The following SLC34A3 variants were observed in gnomAD, a reference collection of about 807,000 sequenced individuals.
SLC34A3 encodes solute carrier family 34 member 3.
SLC34A3 carries 60 observed loss-of-function variants against 43.9 expected under a neutral mutation model. The observed-to-expected ratio is 1.37, with a 90% CI of 1.11 to 1.70. SLC34A3 has a LOEUF of 1.70. Ranked by LOEUF, SLC34A3 falls within the 40% of genes most tolerant of loss-of-function variation. SLC34A3 has a pLI of 0.00. For missense variants in SLC34A3, 969 were observed against 823.8 expected, an observed-to-expected ratio of 1.18 and a Z score of -2.16; for synonymous variants, 451 against 386.2, an observed-to-expected ratio of 1.17 and a Z score of -1.97.
At chr9:137,230,058 C>CA (rs1836115164), upstream of SLC34A3, among the ~76,000 whole-genome samples, 2 of 152,096 alleles carry the variant, frequency 1.3e-5, no homozygotes, top group South Asian at 4.1e-4. Flanking sequence ...CCCATGCACA[C>CA]AGCGGGGGCT....
intron 12 of SLC34A3, among the ~76,000 whole-genome samples, chr9:137,235,572 G>A (rs1836542788): frequency 6.6e-6 from 1 of 152,212 alleles, no homozygotes; most frequent in Non-Finnish European, 1.5e-5. Flanking sequence ...CTGTGGCCCT[G>A]TGCCTCCTCC....
chr9:137,233,779 T>TGGGGCCCCCC, intron 8 of SLC34A3, 57 bp downstream of exon 8: 2 of 1,445,796 alleles, frequency 1.4e-6, no homozygotes, highest in Non-Finnish European at 1.9e-6. Flanking sequence ...TGCTGAGTCA[T>TGGGGCCCCCC]CCCGCCCCAC....
rs1272144295 is a variant in SLC34A3, at chr9:137,233,802, C to G, written c.847-61C>G. 5 of 1,467,802 alleles carry G rather than the reference C, an allele frequency of 3.4e-6. No homozygotes were observed. The South Asian group carries it at 5.9e-5, about 17-fold the overall frequency. The allele number at this position is 1,467,802 out of a possible 1,614,324, so 90.9% of individuals were successfully genotyped here. On this transcript the variant is annotated intron_variant, in intron 8 of 12. Coordinates refer to ENST00000673835, the MANE Select transcript of SLC34A3 (RefSeq NM_001177316.2). Reference sequence around the variant, plus strand: ...CATCCCGCCCCACCCACCCTCACCTCGAGCCCTCTGACCTCTGTCTGCCCA... The same window carrying G: ...CATCCCGCCCCACCCACCCTCACCTGGAGCCCTCTGACCTCTGTCTGCCCA...
rs749918055 is a variant in SLC34A3 at position 137,233,409 on chromosome 9, G to A, written c.756+5G>A. On this transcript the variant is annotated splice_donor_5th_base_variant and intron_variant, in intron 7 of 12. Coordinates refer to ENST00000673835, the MANE Select transcript of SLC34A3 (RefSeq NM_001177316.2). ...CTCACACACCTCATCGTGCAGGTGA[G>A]GACGGCCACCGCCCCCGCCCAGAGA... 3 of 1,599,324 alleles carry A rather than the reference G, an allele frequency of 1.9e-6. No homozygotes were observed. Among genetic ancestry groups the A allele is most frequent in the Admixed American group, 3.4e-5 (2 of 58,540 alleles).
At position 137,236,554 on chromosome 9, in the gene SLC34A3, G is replaced by A; in HGVS notation, c.*138G>A. 1 of 810,256 alleles carries A rather than the reference G, an allele frequency of 1.2e-6. No homozygotes were observed. The highest frequency in any genetic ancestry group is 2.0e-6 in the Non-Finnish European group (1 of 491,046). 50.2% of individuals were successfully genotyped at this position (810,256 alleles called of 1,614,324 possible). On this transcript the variant is annotated 3_prime_UTR_variant, in exon 13 of 13. Coordinates refer to ENST00000673835, the MANE Select transcript of SLC34A3 (RefSeq NM_001177316.2). ...TGCAAATAAACCAGGCTGTTATCTG[G>A]GGTGGCGGTCCTCACTCCCCTAGAC...
chr9:137,234,399 C>T lies in SLC34A3; in HGVS notation c.1094-17C>T. On this transcript the variant is annotated splice_polypyrimidine_tract_variant and intron_variant, in intron 10 of 12. Coordinates refer to ENST00000673835, the MANE Select transcript of SLC34A3 (RefSeq NM_001177316.2). The surrounding 1 kb of genome is among the most constrained non-coding windows in gnomAD (Gnocchi z 6.9). ...CCTTGTGGGCGCTGGCCAGGGCTGA[C>T]CCGGCATCCCCCACAGACTTCCCCT... 6.3e-7 allele frequency: 1 copy of T among 1,596,644 alleles called. No homozygotes were observed. Among genetic ancestry groups the T allele is most frequent in the Non-Finnish European group, 8.5e-7 (1 of 1,178,182 alleles).
At position 137,234,652 on chromosome 9, in the gene SLC34A3, G is replaced by A; in HGVS notation, c.1256G>A (p.Gly419Asp). 3 of 1,612,418 alleles carry A rather than the reference G, an allele frequency of 1.9e-6. No individual in the cohort carries two copies. The highest frequency in any genetic ancestry group is 2.5e-6 in the Non-Finnish European group (3 of 1,179,872). Residue 419 changes from glycine (G) to aspartate (D), a missense_variant, in exon 12 of 13, where the codon GGC (glycine) becomes GAC (aspartate). Coordinates refer to ENST00000673835, the MANE Select transcript of SLC34A3 (RefSeq NM_001177316.2). The surrounding 1 kb of genome is among the most constrained non-coding windows in gnomAD (Gnocchi z 6.9). ...SLDRAYPLLL[G>D]SNIGTTTTAL... ...GACCGGGCGTACCCCCTCTTACTGG[G>A]CTCCAACATCGGCACCACTACCACA...
chr9:137,232,131 C>T lies in SLC34A3; in HGVS notation c.145C>T (p.Gln49Ter), dbSNP rs2131403056. The T allele has an allele frequency of 1.2e-6, 2 of 1,613,142 alleles. No individual in the cohort carries two copies. The highest frequency in any genetic ancestry group is 1.7e-6 in the Non-Finnish European group (2 of 1,179,998). Residue 49 changes from glutamine (Q) to a stop codon, truncating the protein, a stop_gained, in exon 3 of 13, where the codon CAG becomes TAG. Coordinates refer to ENST00000673835, the MANE Select transcript of SLC34A3 (RefSeq NM_001177316.2). LOFTEE classifies it high-confidence loss of function. ...EGDTDPWTLP[Q>*]LKDTSQPWKE... ...GGACACAGACCCCTGGACCCTCCCT[C>T]AGCTGAAGGACACAAGCCAGCCCTG...
chr9:137,235,116 C>A (rs919656242), intron 12 of SLC34A3, among the ~76,000 whole-genome samples: 1 of 151,968 alleles, frequency 6.6e-6, no homozygotes, highest in African/African-American at 2.4e-5. Context: ...ATCTGGACGA[C>A]CCTCCCAGCC....
At chr9:137,233,779 T>TGGGGCCCCCCCCCCCCCCCCCCCCCCC in intron 8 of SLC34A3, 57 bp downstream of exon 8, 1 of 1,445,812 alleles carries the variant, frequency 6.9e-7, no homozygotes, top group Non-Finnish European at 9.6e-7. Flanking sequence ...TGCTGAGTCA[T>TGGGGCCCCCCCCCCCCCCCCCCCCCCC]CCCGCCCCAC....
Position 137,236,270 on chromosome 9 carries a change from C to T in SLC34A3, c.1654C>T (p.Leu552Phe). Reference protein sequence around the residue: ...LPVRLRSWAWLPVWLHSLEPW... With the variant: ...LPVRLRSWAWFPVWLHSLEPW... The stretch of plus-strand genomic sequence containing the variant: ...TGTCCGCCTGCGCTCCTGGGCCTGG[C>T]TCCCCGTCTGGCTCCATTCTCTGGA... Residue 552 changes from leucine (L) to phenylalanine (F), a missense_variant, in exon 13 of 13, where the codon CTC becomes TTC. Coordinates refer to ENST00000673835, the MANE Select transcript of SLC34A3 (RefSeq NM_001177316.2). The T allele has an allele frequency of 1.3e-6, 2 of 1,544,192 alleles. No individual in the cohort carries two copies. The highest frequency in any genetic ancestry group is 1.7e-6 in the Non-Finnish European group (2 of 1,147,352).
At chr9:137,232,008 C>T in intron 2 of SLC34A3, 64 bp from the exon 3 acceptor site, 1 of 1,502,014 alleles carries the variant, frequency 6.7e-7, no homozygotes, top group South Asian at 1.1e-5. Flanking sequence ...CGGCCTGTGC[C>T]CTTGTGCCCC....
In SLC34A3 at chr9:137,231,766, G is replaced by A. The variant is rs146559846; in HGVS notation, c.64G>A (p.Glu22Lys). 2.0e-5 allele frequency: 33 copies of A among 1,613,102 alleles called. No individual in the cohort carries two copies. The highest frequency in any genetic ancestry group is 2.8e-5 in the Non-Finnish European group (33 of 1,179,980). Residue 22 changes from glutamate (E) to lysine (K), a missense_variant, in exon 2 of 13, where the codon GAA becomes AAA. Glu to Lys is a moderately conservative substitution (Grantham distance 56). Transcript: ENST00000673835. The stretch of plus-strand genomic sequence containing the variant: ...CACTCTGGACGCGGTTGACCTAGTG[G>A]AAAAGACTCTGAGGAATGAAGGTAC... ...HPTLDAVDLV[E>K]KTLRNEGTSS...
At chr9:137,235,858 G>A (rs896644857) in intron 12 of SLC34A3, 94 bp from the exon 13 acceptor site, 39 of 1,137,324 alleles carry the variant, frequency 3.4e-5, no homozygotes, top group Middle Eastern at 2.9e-4. Context: ...CAGACTTGGC[G>A]CTCCTTCTGT....
At chr9:137,231,621 G>C in intron 1 of SLC34A3, 43 bp from the exon 2 acceptor site, 1 of 1,237,922 alleles carries the variant, frequency 8.1e-7, no homozygotes, top group Non-Finnish European at 1.2e-6. Flanking sequence ...GACAGGGCCG[G>C]GGCAGGAGGA....
At position 137,234,631 on chromosome 9, in the gene SLC34A3, G is replaced by T. The variant is rs761066220; in HGVS notation, c.1235G>T (p.Arg412Leu). 1 of 1,612,428 alleles carries T rather than the reference G, an allele frequency of 6.2e-7. No homozygotes were observed. The highest frequency in any genetic ancestry group is 8.5e-7 in the Non-Finnish European group (1 of 1,179,880). The stretch of plus-strand genomic sequence containing the variant: ...GGGGTCGGGGTGATCAGTCTGGACC[G>T]GGCGTACCCCCTCTTACTGGGCTCC... ...LMGVGVISLDRAYPLLLGSNI... is the reference protein window; with the variant it reads ...LMGVGVISLDLAYPLLLGSNI... The change falls in exon 12 of 13, where the codon CGG (arginine) becomes CTG (leucine). Residue 412 changes from arginine to leucine, a missense_variant. By Grantham distance (102) the Arg-to-Leu change is moderately radical. Coordinates refer to ENST00000673835, the MANE Select transcript of SLC34A3 (RefSeq NM_001177316.2). This position sits in a 1 kb window ranked among gnomAD's most constrained non-coding sequence, Gnocchi z 6.9.
Position 137,236,060 on chromosome 9 carries a change from G to T in SLC34A3, c.1444G>T (p.Ala482Ser), listed in dbSNP as rs757308975. Residue 482 changes from alanine to serine, a missense_variant, in exon 13 of 13, where the codon GCC (alanine) becomes TCC (serine). Ala to Ser is a moderately conservative substitution (Grantham distance 99). Transcript: ENST00000673835. ...PLARHFGVVT[A>S]RYRWVAGVYL... ...GGCCAGGCACTTCGGGGTGGTGACCGCCCGTTACCGCTGGGTGGCTGGGGT... is the reference window on the plus strand; with the variant it reads ...GGCCAGGCACTTCGGGGTGGTGACCTCCCGTTACCGCTGGGTGGCTGGGGT... 2 of 1,612,492 alleles carry T rather than the reference G, an allele frequency of 1.2e-6. No individual in the cohort carries two copies. The highest frequency in any genetic ancestry group is 1.7e-6 in the Non-Finnish European group (2 of 1,179,860).
rs566604583 is a variant in SLC34A3 at position 137,232,717 on chromosome 9, C to G, written c.304+14C>G. ...AGCTGCTGGGCAGTGAGTGACGGGA[C>G]GGGTGCCCAGGGCGGGGCGGGCAAC... On this transcript the variant is annotated intron_variant, in intron 4 of 12. Coordinates refer to ENST00000673835, the MANE Select transcript of SLC34A3 (RefSeq NM_001177316.2). The G allele has an allele frequency of 2.5e-6, 4 of 1,612,902 alleles. No individual in the cohort carries two copies. The highest frequency in any genetic ancestry group is 1.7e-5 in the Admixed American group (1 of 60,028).
rs764866004 is a variant in SLC34A3, at chr9:137,234,731, G to A, written c.1335G>A (p.Gln445=). Residue 445 remains glutamine, a splice_region_variant and synonymous_variant, in exon 12 of 13, where the codon CAG becomes CAA. Coordinates refer to ENST00000673835, the MANE Select transcript of SLC34A3 (RefSeq NM_001177316.2). This position sits in a 1 kb window ranked among gnomAD's most constrained non-coding sequence, Gnocchi z 6.9. ...SPADRMLSAL[Q]VALIHFFFNL... Reference sequence around the variant, plus strand: ...CAGACAGGATGCTCAGCGCCCTGCAGGTACTGTCCACCCTGCCCCGCTGCC... The same window carrying A: ...CAGACAGGATGCTCAGCGCCCTGCAAGTACTGTCCACCCTGCCCCGCTGCC... 4.4e-6 allele frequency: 7 copies of A among 1,608,670 alleles called. No individual in the cohort carries two copies. Among genetic ancestry groups the A allele is most frequent in the Non-Finnish European group, 5.9e-6 (7 of 1,179,812 alleles).
Sources: gnomAD v4.1 joint callset for allele counts (sites outside exome capture counted in the v4.1 genomes callset) on GRCh38, gnomAD v4.1.1 for gene constraint, Gnocchi (gnomAD v3.1) non-coding constraint, MANE v1.5 for transcripts, NCBI Gene and HGNC (gene_info 2026-07-23, HGNC 2026-07-21) for gene names.